Variants in NIBAN1 observed in about 807,000 individuals in gnomAD.
The protein encoded by NIBAN1 is protein Niban 1.
NIBAN1 carries 81 observed loss-of-function variants against 75.1 expected under a neutral mutation model. The observed-to-expected ratio is 1.08, with a 90% CI of 0.90 to 1.30. NIBAN1 has a LOEUF of 1.30. NIBAN1 is among the 50% of genes most tolerant of loss of function. NIBAN1 has a pLI of 0.00. For missense variants in NIBAN1, 1,133 were observed against 1,128.1 expected (o/e 1.00, Z -0.06); for synonymous variants, 436 against 424.8 (o/e 1.03, Z -0.32).
At chr1:184,798,368 A>G (rs3737953) in intron 12 of NIBAN1, among the ~76,000 whole-genome samples, 178 bp from the exon 13 acceptor site, 2,382 of 152,292 alleles carry the variant, frequency 0.016, 46 homozygotes, top group East Asian at 0.056. Flanking sequence ...GTTCCCTTCA[A>G]TTCAATTCAC....
intron 5 of NIBAN1, among the ~76,000 whole-genome samples, chr1:184,840,950 A>AGT (rs1655269588): frequency 8.7e-6 from 1 of 115,482 alleles, no homozygotes; most frequent in Admixed American, 9.1e-5. Context: ...CTTAGAAAAG[A>AGT]GTGTGAGTGT....
chr1:184,865,216 C>T (rs1655922959), intron 5 of NIBAN1, among the ~76,000 whole-genome samples: 1 of 152,010 alleles, frequency 6.6e-6, no homozygotes, highest in Non-Finnish European at 1.5e-5. Flanking sequence ...CCTTGGTGCC[C>T]ATCAACAGTG....
At chr1:184,940,219 A>C (rs1029152237) in intron 1 of NIBAN1, among the ~76,000 whole-genome samples, 8 of 152,110 alleles carry the variant, frequency 5.3e-5, no homozygotes, top group African/African-American at 1.9e-4. Context: ...TGTTGACAAG[A>C]GACCCCAGGA....
chr1:184,853,978 C>G (rs911290342), intron 5 of NIBAN1, among the ~76,000 whole-genome samples: 12 of 151,762 alleles, frequency 7.9e-5, no homozygotes, highest in African/African-American at 2.2e-4. Context: ...GTAGCCATAT[C>G]AAAAAAAGAC....
In NIBAN1 at chr1:184,895,573, A is replaced by T. The variant is rs140969408; in HGVS notation, c.187-1367T>A. Among the ~76,000 whole-genome samples the T allele has an allele frequency of 3.4e-3, 523 of 152,118 alleles. 8 individuals carry two copies. The East Asian group carries it at 0.038, about 11-fold the overall frequency. On this transcript the variant is annotated intron_variant, in intron 2 of 13. Coordinates refer to ENST00000367511, the MANE Select transcript of NIBAN1 (RefSeq NM_052966.4). Reference sequence around the variant, plus strand: ...CCTTCTTTTTTATTTTTAGTTTTTTAAATTTTATATTCAAGGGGTACGTGT... The same window carrying T: ...CCTTCTTTTTTATTTTTAGTTTTTTTAATTTTATATTCAAGGGGTACGTGT...
chr1:184,810,436 A>G (rs1033490699), intron 9 of NIBAN1, among the ~76,000 whole-genome samples: 1 of 152,174 alleles, frequency 6.6e-6, no homozygotes, highest in Non-Finnish European at 1.5e-5. Flanking sequence ...ATACTTTCAG[A>G]AATATTGATC....
intron 1 of NIBAN1, among the ~76,000 whole-genome samples, chr1:184,950,463 T>C (rs1367700159): frequency 1.3e-5 from 2 of 152,216 alleles, no homozygotes; most frequent in Non-Finnish European, 2.9e-5. Flanking sequence ...CAAGGGCCAT[T>C]AAGCTAGGTA....
chr1:184,795,052 C>G lies in NIBAN1; in HGVS notation c.2712G>C (p.Leu904=), dbSNP rs751439998. 1 of 1,613,926 alleles carries G rather than the reference C, an allele frequency of 6.2e-7. No homozygotes were observed. The highest frequency in any genetic ancestry group is 8.5e-7 in the Non-Finnish European group (1 of 1,180,044). ...VVEDAPNPDV[L]LSHKDDVKEG... is the part of the protein sequence containing the mutation. ...CCTTCACGTCATCTTTGTGTGACAG[C>G]AGGACATCCGGGTTTGGAGCATCCT... The change falls in exon 14 of 14, where the codon CTG becomes CTC. Residue 904 remains leucine, a synonymous_variant. Coordinates refer to ENST00000367511, the MANE Select transcript of NIBAN1 (RefSeq NM_052966.4).
At chr1:184,929,682 A>C (rs1277062846) in intron 1 of NIBAN1, among the ~76,000 whole-genome samples, 1 of 152,104 alleles carries the variant, frequency 6.6e-6, no homozygotes. Flanking sequence ...CCACCACATG[A>C]GTTGTATATT....
Position 184,803,657 on chromosome 1 carries a change from C to T in NIBAN1, c.1482G>A (p.Lys494=), listed in dbSNP as rs1187192097. ...YDYDSSTIRK[K]IFQEALVQIT... The stretch of plus-strand genomic sequence containing the variant: ...TTTGAACTAGTGCCTCTTGAAATAT[C>T]TTCTTTCGGATGGTGCTGCTGTCAT... The change falls in exon 12 of 14, where the codon AAG becomes AAA. Residue 494 remains lysine, a synonymous_variant. Coordinates refer to ENST00000367511, the MANE Select transcript of NIBAN1 (RefSeq NM_052966.4). The T allele has an allele frequency of 6.2e-7, 1 of 1,614,196 alleles. No homozygotes were observed. Among genetic ancestry groups the T allele is most frequent in the Admixed American group, 1.7e-5 (1 of 60,026 alleles).
intron 4 of NIBAN1, among the ~76,000 whole-genome samples, chr1:184,889,037 A>C (rs1656601784): frequency 6.6e-6 from 1 of 152,242 alleles, no homozygotes. Context: ...ATTCTAATGA[A>C]ATTATTATGT....
At chr1:184,803,715 T>TAAA in intron 11 of NIBAN1, 23 bp from the exon 12 acceptor site, 1 of 1,592,648 alleles carries the variant, frequency 6.3e-7, no homozygotes, top group Non-Finnish European at 8.6e-7. Context: ...AAACATATGT[T>TAAA]AAATAGTAAC....
chr1:184,878,684 A>G (rs1196370325), intron 5 of NIBAN1, among the ~76,000 whole-genome samples: 1 of 152,226 alleles, frequency 6.6e-6, no homozygotes, highest in Non-Finnish European at 1.5e-5. Context: ...TGCAAAGAAT[A>G]GATTGATTTA....
intron 1 of NIBAN1, among the ~76,000 whole-genome samples, chr1:184,919,787 T>C (rs573309963): frequency 6.6e-6 from 1 of 152,110 alleles, no homozygotes; most frequent in African/African-American, 2.4e-5. Context: ...GTATAATATA[T>C]ACGTAAATAT....
chr1:184,887,770 A>T (rs907776960), intron 4 of NIBAN1: 7 of 152,244 alleles, frequency 4.6e-5, no homozygotes, highest in African/African-American at 1.4e-4. Flanking sequence ...TTTTTATTGT[A>T]TGCAGTAAAT....
intron 1 of NIBAN1, among the ~76,000 whole-genome samples, chr1:184,905,356 AACCTTCTG>A (rs1316800128): frequency 3.3e-5 from 5 of 152,168 alleles, no homozygotes; most frequent in Non-Finnish European, 5.9e-5. Flanking sequence ...ATAGGGGCAC[AACCTTCTG>A]ACTTGTCCTG....
At chr1:184,953,036 G>A (rs1200124567) in intron 1 of NIBAN1, among the ~76,000 whole-genome samples, 1 of 152,178 alleles carries the variant, frequency 6.6e-6, no homozygotes, top group Non-Finnish European at 1.5e-5. Flanking sequence ...TTTATTTGAT[G>A]TACAGTTTAT....
chr1:184,858,745 A>G (rs771082279), intron 5 of NIBAN1, among the ~76,000 whole-genome samples: 13 of 152,224 alleles, frequency 8.5e-5, no homozygotes, highest in Non-Finnish European at 1.9e-4. Flanking sequence ...ACACGTATTT[A>G]ATCATGGGTG....
intron 1 of NIBAN1, among the ~76,000 whole-genome samples, chr1:184,958,364 TCACACACA>T (rs3035788): frequency 0.033 from 4,777 of 142,638 alleles, 213 homozygotes; most frequent in African/African-American, 0.11. Context: ...GACAGAGGAG[TCACACACA>T]CACACACACA....
Sources: gnomAD v4.1 joint callset for allele counts (sites outside exome capture counted in the v4.1 genomes callset) on GRCh38, gnomAD v4.1.1 for gene constraint, MANE v1.5 for transcripts, NCBI Gene and HGNC (gene_info 2026-07-23, HGNC 2026-07-21) for gene names.